The following MAF variants were observed in gnomAD, a reference collection of about 807,000 sequenced individuals.
MAF encodes transcription factor Maf.
A neutral mutation model predicts 22.0 loss-of-function variants in MAF; 10 were observed. The ratio of observed to expected loss-of-function variants is 0.45; its 90% CI spans 0.28 to 0.77. MAF has a LOEUF of 0.77. Ranked by LOEUF, MAF falls within the 30% of genes least tolerant of loss-of-function variation. The pLI, the probability that MAF is intolerant of heterozygous loss-of-function variation, is 0.12. For synonymous variants in MAF, 337 were observed against 255.8 expected (o/e 1.32, Z -3.03); for missense variants, 544 against 548.4 (o/e 0.99, Z 0.08).
chr16:79,368,065 C>CT, the MAF span, among the ~76,000 whole-genome samples: 10 of 152,164 alleles, frequency 6.6e-5, no homozygotes, highest in African/African-American at 2.4e-4. Flanking sequence ...TGCTCAGAGG[C>CT]TAGAGGCTTC....
chr16:79,334,466 G>T, the MAF span, among the ~76,000 whole-genome samples: 1 of 152,288 alleles, frequency 6.6e-6, no homozygotes, highest in South Asian at 2.1e-4. Flanking sequence ...GACCTTTCTG[G>T]GAGCTGGAAA....
At chr16:79,294,117 A>G in the MAF span, among the ~76,000 whole-genome samples, 1 of 152,140 alleles carries the variant, frequency 6.6e-6, no homozygotes, top group Non-Finnish European at 1.5e-5. Flanking sequence ...TTCTGAGGTA[A>G]TTCTGAAGGG....
chr16:79,574,011 C>T, the MAF span, among the ~76,000 whole-genome samples: 1 of 152,216 alleles, frequency 6.6e-6, no homozygotes, highest in African/African-American at 2.4e-5. Context: ...TGGAAAGGAT[C>T]TGAGACAGCT....
chr16:79,565,510 G>T, the MAF span, among the ~76,000 whole-genome samples: 12 of 152,164 alleles, frequency 7.9e-5, no homozygotes, highest in African/African-American at 1.9e-4. Context: ...GTGTTGTGGG[G>T]GGGGGGACCA....
the MAF span, among the ~76,000 whole-genome samples, chr16:79,438,116 G>A: frequency 1.3e-5 from 2 of 152,090 alleles, no homozygotes; most frequent in African/African-American, 4.8e-5. Flanking sequence ...CGTGGCGTTG[G>A]GGGGGCAGGG....
downstream of MAF, among the ~76,000 whole-genome samples, chr16:79,590,244 T>C (rs893549015): frequency 1.1e-4 from 16 of 152,092 alleles, no homozygotes; most frequent in African/African-American, 3.9e-4. Context: ...GGGAGGGTTG[T>C]TCTTAGAAAA....
At chr16:79,427,441 GTTAC>G in the MAF span, among the ~76,000 whole-genome samples, 1 of 152,212 alleles carries the variant, frequency 6.6e-6, no homozygotes, top group Non-Finnish European at 1.5e-5. Flanking sequence ...CGATTCTGTT[GTTAC>G]TTATTCATTT....
the MAF span, among the ~76,000 whole-genome samples, chr16:79,573,929 C>T: frequency 6.6e-6 from 1 of 152,162 alleles, no homozygotes; most frequent in Non-Finnish European, 1.5e-5. Flanking sequence ...AAACTTTTAC[C>T]AGGCTCTTAT....
the MAF span, among the ~76,000 whole-genome samples, chr16:79,320,882 T>C: frequency 6.6e-6 from 1 of 152,184 alleles, no homozygotes; most frequent in Admixed American, 6.5e-5. Flanking sequence ...GGAGGTACTG[T>C]TTTTATTTTC....
At chr16:79,213,658 A>G in the MAF span, among the ~76,000 whole-genome samples, 1 of 152,170 alleles carries the variant, frequency 6.6e-6, no homozygotes, top group Non-Finnish European at 1.5e-5. Context: ...GATGAGAGAC[A>G]CGTAGTCACT....
chr16:79,592,511 T>G (rs1276416382), downstream of MAF, among the ~76,000 whole-genome samples: 1 of 152,256 alleles, frequency 6.6e-6, no homozygotes, highest in Non-Finnish European at 1.5e-5. Flanking sequence ...CTTGCTCCGC[T>G]TTTAAGCAAA....
At chr16:79,290,669 C>T in the MAF span, among the ~76,000 whole-genome samples, 1 of 152,014 alleles carries the variant, frequency 6.6e-6, no homozygotes, top group South Asian at 2.1e-4. Flanking sequence ...TTACATAAAA[C>T]GGGTGTGCTT....
the MAF span, among the ~76,000 whole-genome samples, chr16:79,311,322 C>T: frequency 6.6e-6 from 1 of 152,034 alleles, no homozygotes; most frequent in South Asian, 2.1e-4. Flanking sequence ...GAGTGTCACG[C>T]AGGTATTGGC....
the MAF span, among the ~76,000 whole-genome samples, chr16:79,217,286 G>A: frequency 6.3e-3 from 964 of 152,282 alleles, 8 homozygotes; most frequent in Non-Finnish European, 7.5e-3. Flanking sequence ...AGCTCCATCT[G>A]CCTTGAAGCC....
At chr16:79,312,302 A>T in the MAF span, among the ~76,000 whole-genome samples, 6 of 152,340 alleles carry the variant, frequency 3.9e-5, no homozygotes, top group African/African-American at 9.6e-5. Context: ...CACATGTGCA[A>T]AACAGACCTA....
At chr16:79,398,504 G>A in the MAF span, among the ~76,000 whole-genome samples, 2 of 152,146 alleles carry the variant, frequency 1.3e-5, no homozygotes, top group Non-Finnish European at 2.9e-5. Flanking sequence ...ATGAGAAGAT[G>A]GAGGGAGATA....
At chr16:79,382,817 G>C in the MAF span, among the ~76,000 whole-genome samples, 2 of 152,220 alleles carry the variant, frequency 1.3e-5, no homozygotes, top group African/African-American at 2.4e-5. Flanking sequence ...GCAAGGCAGA[G>C]AGCAAGAAAA....
the MAF span, among the ~76,000 whole-genome samples, chr16:79,477,140 T>A: frequency 7.9e-5 from 12 of 152,148 alleles, no homozygotes; most frequent in Non-Finnish European, 1.8e-4. Context: ...TGGGAACTGA[T>A]ACAATTACGT....
chr16:79,366,480 T>C, the MAF span, among the ~76,000 whole-genome samples: 1 of 152,220 alleles, frequency 6.6e-6, no homozygotes, highest in Non-Finnish European at 1.5e-5. Flanking sequence ...AATAAGAACC[T>C]ACAGTTAGGA....
Sources: gnomAD v4.1 joint callset for allele counts (sites outside exome capture counted in the v4.1 genomes callset) on GRCh38, gnomAD v4.1.1 for gene constraint, MANE v1.5 for transcripts, NCBI Gene and HGNC (gene_info 2026-07-23, HGNC 2026-07-21) for gene names.